Variants in LSAMP observed in about 807,000 individuals in gnomAD.
LSAMP encodes limbic system associated membrane protein.
Under a neutral mutation model 38.6 loss-of-function variants are expected in LSAMP, and 7 were observed. The ratio of observed to expected loss-of-function variants is 0.18; its 90% confidence interval spans 0.10 to 0.34. LSAMP has a LOEUF of 0.34. Ranked by LOEUF, LSAMP falls within the 10% of genes least tolerant of loss-of-function variation. The pLI is 1.00. For missense variants in LSAMP, 313 were observed against 420.0 expected (o/e 0.75, Z 2.23); for synonymous variants, 154 against 166.8 (o/e 0.92, Z 0.59).
chr3:115,896,720 C>G (rs1936737529), intron 3 of LSAMP, among the ~76,000 whole-genome samples: 1 of 152,042 alleles, frequency 6.6e-6, no homozygotes. Context: ...CTACTGTTCT[C>G]CTCATTTTTC....
At chr3:116,209,837 C>T (rs1038257460) in intron 1 of LSAMP, among the ~76,000 whole-genome samples, 1 of 152,210 alleles carries the variant, frequency 6.6e-6, no homozygotes, top group African/African-American at 2.4e-5. Flanking sequence ...CTGCAACCTC[C>T]GCCACCCGGG....
chr3:116,126,986 C>T lies in LSAMP; in HGVS notation c.156-40430G>A, dbSNP rs533537733. The stretch of plus-strand genomic sequence containing the variant: ...TTTTTTGCTCTGAAAATCTTTAAGG[C>T]ATTTTGTGAAATAGAAATCTAACGA... On this transcript the variant is annotated intron_variant, in intron 1 of 6. Transcript: ENST00000490035. Among the ~76,000 whole-genome samples the T allele has an allele frequency of 1.3e-4, 20 of 152,280 alleles. No individual in the cohort carries two copies. In the South Asian group the frequency reaches 4.1e-3, roughly 32 times the overall value.
chr3:116,171,383 T>C (rs549130353), intron 1 of LSAMP, among the ~76,000 whole-genome samples: 13 of 152,230 alleles, frequency 8.5e-5, no homozygotes, highest in Admixed American at 3.9e-4. Context: ...CACAACAAAA[T>C]TGAGTTATAT....
intron 1 of LSAMP, among the ~76,000 whole-genome samples, chr3:116,244,138 T>A (rs2046574643): frequency 6.6e-6 from 1 of 152,202 alleles, no homozygotes; most frequent in Non-Finnish European, 1.5e-5. Flanking sequence ...ATAAGTTTAT[T>A]CATCTTCACT....
At chr3:116,035,002 T>C (rs1465079329) in intron 2 of LSAMP, among the ~76,000 whole-genome samples, 1 of 152,228 alleles carries the variant, frequency 6.6e-6, no homozygotes, top group Non-Finnish European at 1.5e-5. Context: ...GTCCCTCTGA[T>C]GGCTTTGGGA....
At chr3:115,837,537 T>C (rs2107495561) in intron 6 of LSAMP, among the ~76,000 whole-genome samples, 1 of 152,058 alleles carries the variant, frequency 6.6e-6, no homozygotes, top group East Asian at 1.9e-4. Context: ...CGAACTAACC[T>C]GGTGGTAGCA....
At chr3:116,302,444 AC>A (rs2047422916) in intron 1 of LSAMP, among the ~76,000 whole-genome samples, 1 of 152,024 alleles carries the variant, frequency 6.6e-6, no homozygotes, top group African/African-American at 2.4e-5. Context: ...TAAAAACTCC[AC>A]CCCCTATGAC....
chr3:116,276,389 A>G (rs2047051794), intron 1 of LSAMP, among the ~76,000 whole-genome samples: 1 of 152,218 alleles, frequency 6.6e-6, no homozygotes, highest in African/African-American at 2.4e-5. Context: ...TAGTTCAAAA[A>G]TTTAGAAATT....
chr3:115,814,585 A>G (rs1468453589), intron 6 of LSAMP, among the ~76,000 whole-genome samples: 2 of 152,168 alleles, frequency 1.3e-5, no homozygotes, highest in African/African-American at 4.8e-5. Context: ...TCCTCCTAGG[A>G]GCCCATTTCT....
At position 116,432,422 on chromosome 3, in the gene LSAMP, A is replaced by T. The variant is rs150642106; in HGVS notation, c.155+12455T>A. Among the ~76,000 whole-genome samples the T allele has an allele frequency of 1.1e-4, 17 of 151,960 alleles. No homozygotes were observed. In the East Asian group the frequency reaches 2.7e-3, roughly 24 times the overall value. On this transcript the variant is annotated intron_variant, in intron 1 of 6. Transcript: ENST00000490035. ...AATATATTCATGATACAAATTAATT[A>T]TACTTCATAACAGATCCTGTACAAA...
chr3:116,445,130 A>T lies in LSAMP; in HGVS notation c.-99T>A. 7.9e-7 allele frequency: 1 copy of T among 1,271,292 alleles called. No homozygotes were observed. The highest frequency in any genetic ancestry group is 2.3e-5 in the Admixed American group (1 of 42,926). 78.8% of individuals were successfully genotyped at this position (1,271,292 alleles called of 1,614,324 possible). A position where few individuals can be genotyped will look rare whatever the true frequency, so the allele number is the denominator to read the frequency against. ...CAACACGGGGCTTTCATCCACAGCG[A>T]GCGCAGAGCGGGCTTTGCCAGTTTA... is the stretch of plus-strand genomic sequence containing the variant. On this transcript the variant is annotated 5_prime_UTR_variant, in exon 1 of 7. Coordinates refer to ENST00000490035, the MANE Select transcript of LSAMP (RefSeq NM_002338.5).
chr3:116,061,328 T>G (rs1259653957), intron 2 of LSAMP, among the ~76,000 whole-genome samples: 2 of 152,170 alleles, frequency 1.3e-5, no homozygotes, highest in African/African-American at 2.4e-5. Context: ...TGATTTTAAA[T>G]AAATTTAAGC....
At chr3:116,373,563 G>A (rs1184539275) in intron 1 of LSAMP, among the ~76,000 whole-genome samples, 1 of 151,678 alleles carries the variant, frequency 6.6e-6, no homozygotes, top group African/African-American at 2.4e-5. Flanking sequence ...ATTTAAATAT[G>A]CCTAAGACAG....
chr3:116,081,883 G>C (rs1489595533), intron 2 of LSAMP, among the ~76,000 whole-genome samples: 5 of 152,016 alleles, frequency 3.3e-5, no homozygotes, highest in African/African-American at 1.2e-4. Context: ...TGCAGATTAG[G>C]CCATTTTGAA....
At chr3:115,920,201 A>G (rs991512395) in intron 3 of LSAMP, among the ~76,000 whole-genome samples, 2 of 152,216 alleles carry the variant, frequency 1.3e-5, no homozygotes, top group African/African-American at 4.8e-5. Flanking sequence ...ATAAATACTC[A>G]GAAGTGAGAT....
rs140333633 is a variant in LSAMP, at chr3:116,155,559, C to A, written c.156-69003G>T. On this transcript the variant is annotated intron_variant, in intron 1 of 6. Transcript: ENST00000490035. ...TTGATCATGTTTTACCTTCATAATA[C>A]CTAGCATGTTGCCTGGCTTATCACA... Among the ~76,000 whole-genome samples the A allele has an allele frequency of 7.3e-3, 1,112 of 151,948 alleles. 8 individuals carry two copies. The highest frequency in any genetic ancestry group is 9.5e-3 in the Non-Finnish European group (648 of 67,926).
At chr3:116,043,046 G>T (rs901822008) in intron 2 of LSAMP, among the ~76,000 whole-genome samples, 6 of 152,110 alleles carry the variant, frequency 3.9e-5, no homozygotes, top group Non-Finnish European at 7.4e-5. Context: ...TGTTGTGGGA[G>T]TTTTTACATG....
chr3:116,187,967 C>T (rs1374776113), intron 1 of LSAMP, among the ~76,000 whole-genome samples: 3 of 152,040 alleles, frequency 2.0e-5, no homozygotes, highest in East Asian at 1.9e-4. Context: ...TCCAATAGGC[C>T]CCAGGATGTT....
At chr3:115,926,938 C>T (rs527644361) in intron 3 of LSAMP, among the ~76,000 whole-genome samples, 1 of 152,116 alleles carries the variant, frequency 6.6e-6, no homozygotes, top group African/African-American at 2.4e-5. Flanking sequence ...AATATAGGCT[C>T]CATAAGCACA....
Sources: gnomAD v4.1 joint callset for allele counts (sites outside exome capture counted in the v4.1 genomes callset) on GRCh38, gnomAD v4.1.1 for gene constraint, MANE v1.5 for transcripts, NCBI Gene and HGNC (gene_info 2026-07-23, HGNC 2026-07-21) for gene names.